The following SLFN5 variants were observed in gnomAD, a reference collection of about 807,000 sequenced individuals.
SLFN5 encodes schlafen family member 5.
A neutral mutation model predicts 48.5 loss-of-function variants in SLFN5; 34 were observed. That is an observed-to-expected ratio of 0.70 (90% confidence interval 0.53 to 0.93). The LOEUF (loss-of-function observed/expected upper bound fraction) is 0.93, where lower values mean the gene tolerates loss of function less well. Among genes scored for constraint, SLFN5 ranks in the 40% least tolerant of loss-of-function variants. SLFN5 has a pLI of 0.00. For missense variants in SLFN5, 1,006 were observed against 1,071.3 expected, an observed-to-expected ratio of 0.94 and a Z score of 0.85; for synonymous variants, 387 against 396.2, an observed-to-expected ratio of 0.98 and a Z score of 0.28.
intron 1 of SLFN5, among the ~76,000 whole-genome samples, chr17:35,255,965 G>A (rs1296483816): frequency 1.3e-5 from 2 of 152,008 alleles, no homozygotes; most frequent in African/African-American, 4.8e-5. Context: ...ACATTATTTA[G>A]TTTTACCTGT....
In SLFN5 at chr17:35,261,101, T is replaced by C. The variant is rs1904507705; in HGVS notation, c.1138+5T>C. ...AGCAGAAACGCTACTTTCCAGGTAA[T>C]TGGCCATCTCTGGTTGCTTTGGAAT... On this transcript the variant is annotated splice_donor_5th_base_variant and intron_variant, in intron 3 of 4. Coordinates refer to ENST00000299977, the MANE Select transcript of SLFN5 (RefSeq NM_144975.4). 1 of 1,612,726 alleles carries C rather than the reference T, an allele frequency of 6.2e-7. No individual in the cohort carries two copies. Among genetic ancestry groups the C allele is most frequent in the Non-Finnish European group, 8.5e-7 (1 of 1,179,078 alleles).
intron 1 of SLFN5, among the ~76,000 whole-genome samples, chr17:35,254,964 C>G (rs942143797): frequency 6.6e-6 from 1 of 152,136 alleles, no homozygotes; most frequent in African/African-American, 2.4e-5. Context: ...TTGCAGTGAG[C>G]TGAGATCACA....
At chr17:35,256,686 T>G (rs1904352264) in intron 1 of SLFN5, among the ~76,000 whole-genome samples, 2 of 152,228 alleles carry the variant, frequency 1.3e-5, no homozygotes, top group Admixed American at 1.3e-4. Context: ...TATTACACGA[T>G]GCCACCTTCC....
At position 35,259,377 on chromosome 17, in the gene SLFN5, TG is replaced by T. The variant is rs752838842; in HGVS notation, c.689del (p.Gly230ValfsTer9). 9 of 1,614,222 alleles carry T rather than the reference TG, an allele frequency of 5.6e-6. No individual in the cohort carries two copies. In the South Asian group the frequency reaches 9.9e-5, roughly 18 times the overall value. ...ANTEGGYVFFGVHDETCQVIG... is the reference protein window; with the variant it reads ...ANTEGGYVFFXVHDETCQVIG... ...ATACTGAAGGAGGATATGTATTTTT[TG>T]GTGTGCATGATGAGACTTGTCAAGT... On this transcript the variant is annotated frameshift_variant, in exon 2 of 5. Coordinates refer to ENST00000299977, the MANE Select transcript of SLFN5 (RefSeq NM_144975.4). LOFTEE classifies it high-confidence loss of function.
chr17:35,244,741 C>A (rs1184184842), intron 1 of SLFN5, among the ~76,000 whole-genome samples: 1 of 151,994 alleles, frequency 6.6e-6, no homozygotes, highest in Non-Finnish European at 1.5e-5. Context: ...GTCAGGAGTT[C>A]GAGACAGCCT....
At chr17:35,250,430 C>T (rs1175559688) in intron 1 of SLFN5, among the ~76,000 whole-genome samples, 3 of 152,174 alleles carry the variant, frequency 2.0e-5, no homozygotes, top group South Asian at 2.1e-4. Context: ...GAGGCCGAGG[C>T]GGGCGGATCA....
At position 35,266,177 on chromosome 17, in the gene SLFN5, T is replaced by TGTGTGTGTGTGCGCGC. The variant is rs35160124; in HGVS notation, c.*290_*291insTGTGTGTGTGCGCGCG. 0.011 allele frequency: 1,839 copies of TGTGTGTGTGTGCGCGC among 173,318 alleles called. 15 individuals are homozygous for TGTGTGTGTGTGCGCGC. The highest frequency in any genetic ancestry group is 0.02 in the Middle Eastern group (7 of 354). The allele number at this position is 173,318 out of a possible 1,614,324, so 10.7% of individuals were successfully genotyped here. ...GTGTGTGTGTGTGTGTGTGTGTGTG[T>TGTGTGTGTGTGCGCGC]GCGCGCGCGCACGTGCACATGTGTG... On this transcript the variant is annotated 3_prime_UTR_variant, in exon 5 of 5. Transcript: ENST00000299977.
At position 35,272,360 on chromosome 17, in the gene SLFN5, G is replaced by A. The variant is rs1425723057; in HGVS notation, c.*6472G>A. 6.6e-6 allele frequency: 1 copy of A among 152,004 alleles called. No individual in the cohort carries two copies. The highest frequency in any genetic ancestry group is 1.5e-5 in the Non-Finnish European group (1 of 68,012). 9.4% of individuals were successfully genotyped at this position (152,004 alleles called of 1,614,324 possible). A position where few individuals can be genotyped will look rare whatever the true frequency, so the allele number is the denominator to read the frequency against. ...CTGTCACCCAGCTAAAAAAAATTAA[G>A]CTTGGGCCATATGCCAGACTAGATA... On this transcript the variant is annotated 3_prime_UTR_variant, in exon 5 of 5. Coordinates refer to ENST00000299977, the MANE Select transcript of SLFN5 (RefSeq NM_144975.4).
In SLFN5 at chr17:35,266,049, G is replaced by A. The variant is rs1904675882; in HGVS notation, c.*161G>A. 2.7e-6 allele frequency: 2 copies of A among 729,284 alleles called. No homozygotes were observed. Among genetic ancestry groups the A allele is most frequent in the Admixed American group, 6.3e-5 (2 of 31,740 alleles). 45.2% of individuals were successfully genotyped at this position (729,284 alleles called of 1,614,324 possible). ...ATCGATGTAAGATTCCTCCTTTAGG[G>A]CAGAGACAGACCACTGACAAATACA... On this transcript the variant is annotated 3_prime_UTR_variant, in exon 5 of 5. Coordinates refer to ENST00000299977, the MANE Select transcript of SLFN5 (RefSeq NM_144975.4).
Position 35,265,174 on chromosome 17 carries a change from C to T in SLFN5, c.1962C>T (p.Phe654=), listed in dbSNP as rs999971549. 3.1e-6 allele frequency: 5 copies of T among 1,614,064 alleles called. No homozygotes were observed. In the Admixed American group the frequency reaches 5.0e-5, roughly 16 times the overall value. Residue 654 remains phenylalanine, a synonymous_variant, in exon 5 of 5, where the codon TTC becomes TTT. Coordinates refer to ENST00000299977, the MANE Select transcript of SLFN5 (RefSeq NM_144975.4). ...TTATCATTGATGACGCTCAGAATTT[C>T]CGTACTGAAGATGGGGACTGGTATG... ...QHIIIDDAQN[F]RTEDGDWYGK...
At chr17:35,255,579 T>G (rs1051152598) in intron 1 of SLFN5, among the ~76,000 whole-genome samples, 1 of 152,172 alleles carries the variant, frequency 6.6e-6, no homozygotes, top group Non-Finnish European at 1.5e-5. Flanking sequence ...CATGGAACAA[T>G]GGATGGAGTC....
intron 2 of SLFN5, among the ~76,000 whole-genome samples, chr17:35,260,482 T>C (rs899593361): frequency 6.6e-6 from 1 of 152,052 alleles, no homozygotes; most frequent in African/African-American, 2.4e-5. Context: ...TCCAGCACTT[T>C]GGGAGGCCGA....
At chr17:35,265,027 C>T in intron 4 of SLFN5, 45 bp from the exon 5 acceptor site, 1 of 1,568,220 alleles carries the variant, frequency 6.4e-7, no homozygotes, top group Non-Finnish European at 8.6e-7. Context: ...GTAGAATCTG[C>T]TTTCTTTGTT....
chr17:35,250,072 G>T (rs1261816658), intron 1 of SLFN5, among the ~76,000 whole-genome samples: 2 of 152,094 alleles, frequency 1.3e-5, no homozygotes, highest in Non-Finnish European at 2.9e-5. Flanking sequence ...CTCCTGTCCC[G>T]CCAGCAAAGA....
In SLFN5 at chr17:35,266,178, GCGCGCGCGCA is replaced by G; in HGVS notation, c.*293_*302del. The G allele has an allele frequency of 2.8e-4, 45 of 161,574 alleles. No individual in the cohort carries two copies. The highest frequency in any genetic ancestry group is 4.2e-4 in the Non-Finnish European group (38 of 91,172). The allele number at this position is 161,574 out of a possible 1,614,324, so 10.0% of individuals were successfully genotyped here. On this transcript the variant is annotated 3_prime_UTR_variant, in exon 5 of 5. Transcript: ENST00000299977. ...TGTGTGTGTGTGTGTGTGTGTGTGT[GCGCGCGCGCA>G]CGTGCACATGTGTGTAGGTAGATGG...
At chr17:35,261,136 G>T (rs768301716) in intron 3 of SLFN5, 40 bp downstream of exon 3, 4 of 1,591,708 alleles carry the variant, frequency 2.5e-6, no homozygotes, top group East Asian at 4.5e-5. Context: ...TATGTTGATT[G>T]TTCATTCATA....
rs933535777 is a variant in SLFN5, at chr17:35,266,640, C to T, written c.*752C>T. On this transcript the variant is annotated 3_prime_UTR_variant, in exon 5 of 5. Transcript: ENST00000299977. ...TTACTACATGAAGGTAAGACTGCCA[C>T]AGTCCCCCAGGGAGGCACACTGTGT... is the stretch of plus-strand genomic sequence containing the variant. The T allele has an allele frequency of 6.6e-6, 1 of 152,102 alleles. No individual in the cohort carries two copies. The highest frequency in any genetic ancestry group is 1.5e-5 in the Non-Finnish European group (1 of 68,040). 9.4% of individuals were successfully genotyped at this position (152,102 alleles called of 1,614,324 possible).
At chr17:35,257,550 T>TC (rs1374698070) in intron 1 of SLFN5, among the ~76,000 whole-genome samples, 1 of 47,320 alleles carries the variant, frequency 2.1e-5, no homozygotes, top group Non-Finnish European at 6.2e-5. Context: ...AGTAAAGCAA[T>TC]TTTTTTTTTT....
chr17:35,249,787 G>A (rs2142686867), intron 1 of SLFN5, among the ~76,000 whole-genome samples: 1 of 152,276 alleles, frequency 6.6e-6, no homozygotes. Flanking sequence ...CACCTGCTAT[G>A]AATACACCTT....
Sources: allele counts gnomAD v4.1 joint callset (sites outside exome capture counted in the v4.1 genomes callset), GRCh38; gene constraint gnomAD v4.1.1; transcripts MANE v1.5; gene names NCBI Gene and HGNC (gene_info 2026-07-23, HGNC 2026-07-21).